Variants in PRDM15 observed in about 807,000 individuals in gnomAD.
PRDM15 encodes the protein PR/SET domain 15.
PRDM15 carries 64 observed loss-of-function variants against 128.6 expected under a neutral mutation model. That is an observed-to-expected ratio of 0.50 (90% CI 0.41 to 0.61). The LOEUF (loss-of-function observed/expected upper bound fraction) is 0.61. Ranked by LOEUF, PRDM15 falls within the 20% of genes least tolerant of loss-of-function variation. PRDM15 has a pLI of 0.00. For synonymous variants in PRDM15, 615 were observed against 621.8 expected (o/e 0.99, Z 0.16); for missense variants, 1,242 against 1,569.1 (o/e 0.79, Z 3.52).
rs1453145885 is a variant in PRDM15 at position 41,821,194 on chromosome 21, T to C, written c.1933A>G (p.Ile645Val). 4 of 1,614,196 alleles carry C rather than the reference T, an allele frequency of 2.5e-6. No individual in the cohort carries two copies. Among genetic ancestry groups the C allele is most frequent in the East Asian group, 2.2e-5 (1 of 44,884 alleles). The change falls in exon 16 of 24, where the codon ATC becomes GTC. Residue 645 changes from isoleucine to valine, a missense_variant. Physicochemically the swap from Ile to Val is conservative, Grantham distance 29. Around this residue, in one of 3 missense-constraint regions of PRDM15, gnomAD observed 602 missense variants for 788.3 expected, o/e 0.76. Transcript: ENST00000398548. The surrounding 1 kb of genome is among the most constrained non-coding windows in gnomAD (Gnocchi z 5.4). Reference sequence around the variant, plus strand: ...CCCTTCTCCTTGTGCACCTCCATGATGTGCTTCAGGTACTCCTTCCCCCGG... The same window carrying C: ...CCCTTCTCCTTGTGCACCTCCATGACGTGCTTCAGGTACTCCTTCCCCCGG... ...FGRGKEYLKH[I>V]MEVHKEKGYG...
chr21:41,866,100 T>C (rs2839396), intron 1 of PRDM15, among the ~76,000 whole-genome samples: 67,593 of 151,994 alleles, frequency 0.44, 15,407 homozygotes, highest in African/African-American at 0.55. Context: ...CACTCACTCC[T>C]TTTGTTCAAT....
At chr21:41,861,319 T>G (rs1360708761) in intron 1 of PRDM15, among the ~76,000 whole-genome samples, 1 of 152,148 alleles carries the variant, frequency 6.6e-6, no homozygotes, top group African/African-American at 2.4e-5. Context: ...ATCCTTGAGG[T>G]TCACCTCCAG....
rs538644091 is a variant in PRDM15, at chr21:41,821,977, A to T, written c.1822T>A (p.Ser608Thr). 1 of 1,614,080 alleles carries T rather than the reference A, an allele frequency of 6.2e-7. No homozygotes were observed. Among genetic ancestry groups the T allele is most frequent in the South Asian group, 1.1e-5 (1 of 91,088 alleles). The change falls in exon 15 of 24, where the codon TCG (serine) becomes ACG (threonine). Residue 608 changes from serine to threonine, a missense_variant. Ser to Thr is a moderately conservative substitution (Grantham distance 58, BLOSUM62 1). Around this residue, in one of 3 missense-constraint regions of PRDM15, gnomAD observed 602 missense variants for 788.3 expected, o/e 0.76. Coordinates refer to ENST00000398548, the MANE Select transcript of PRDM15 (RefSeq NM_001040424.3). The surrounding 1 kb of genome is among the most constrained non-coding windows in gnomAD (Gnocchi z 5.4). The stretch of plus-strand genomic sequence containing the variant: ...TCAGAATTGTCATCGTTTTCTTCCG[A>T]GGAGATCCCGATCTTGCCGATAAAC... The part of the protein sequence containing the change: ...EEFIGKIGIS[S>T]EENDDNSDES...
At chr21:41,823,867 T>A (rs2062373955) in intron 13 of PRDM15, among the ~76,000 whole-genome samples, 1 of 152,364 alleles carries the variant, frequency 6.6e-6, no homozygotes, top group Middle Eastern at 3.4e-3. Flanking sequence ...TTAATGCACA[T>A]TCCCAATGTC....
intron 21 of PRDM15, among the ~76,000 whole-genome samples, chr21:41,806,706 TACC>T (rs1161516703): frequency 2.6e-4 from 10 of 38,560 alleles, no homozygotes; most frequent in African/African-American, 4.9e-4. Flanking sequence ...CACCCATCAC[TACC>T]ACCAACATCA....
In PRDM15 at chr21:41,801,179, C is replaced by A; in HGVS notation, c.*61G>T. ...TTGTTTGTTTGGTATCCAGCAAACA[C>A]ATCTAAACAAATCCCAAACATCCCT... On this transcript the variant is annotated 3_prime_UTR_variant, in exon 24 of 24. Transcript: ENST00000398548. 1 of 1,497,104 alleles carries A rather than the reference C, an allele frequency of 6.7e-7. No individual in the cohort carries two copies. Among genetic ancestry groups the A allele is most frequent in the Non-Finnish European group, 8.8e-7 (1 of 1,130,432 alleles). 92.7% of individuals were successfully genotyped at this position (1,497,104 alleles called of 1,614,324 possible). A position where few individuals can be genotyped will look rare whatever the true frequency, so the allele number is the denominator to read the frequency against.
intron 19 of PRDM15, chr21:41,813,240 C>T (rs796672097): frequency 4.2e-4 from 64 of 152,434 alleles, no homozygotes; most frequent in African/African-American, 1.4e-3. Flanking sequence ...GAGGCCACCA[C>T]AGCCCAGCGA....
At chr21:41,847,390 T>A (rs1275152726) in intron 5 of PRDM15, among the ~76,000 whole-genome samples, 199 bp from the exon 6 acceptor site, 1 of 152,148 alleles carries the variant, frequency 6.6e-6, no homozygotes, top group East Asian at 1.9e-4. Context: ...GTCGTGTGAC[T>A]GTCCCCTTTT....
Position 41,862,156 on chromosome 21 carries a change from C to A in PRDM15, c.-9-1784G>T. On this transcript the variant is annotated intron_variant, in intron 1 of 23. Transcript: ENST00000398548. The surrounding 1 kb of genome is among the most constrained non-coding windows in gnomAD (Gnocchi z 4.1). ...GCTTTCATGAGTTGCTGCTGTGCTA[C>A]TGGAGGTGTAGGACCTGCGTGCCCC... 1 of 660,450 alleles carries A rather than the reference C, an allele frequency of 1.5e-6. No homozygotes were observed. The highest frequency in any genetic ancestry group is 2.2e-5 in the Admixed American group (1 of 45,336). The allele number at this position is 660,450 out of a possible 1,614,324, so 40.9% of individuals were successfully genotyped here.
Position 41,801,239 on chromosome 21 carries a change from C to A in PRDM15, c.*1G>T. ...TTGCCCCGAGTCTCCCGGAACGCAG[C>A]TCAGTAGCTGTACATCTGCTGCTGC... On this transcript the variant is annotated 3_prime_UTR_variant, in exon 24 of 24. Coordinates refer to ENST00000398548, the MANE Select transcript of PRDM15 (RefSeq NM_001040424.3). The A allele has an allele frequency of 6.6e-7, 1 of 1,519,528 alleles. No homozygotes were observed. The highest frequency in any genetic ancestry group is 8.8e-7 in the Non-Finnish European group (1 of 1,137,004). The allele number at this position is 1,519,528 out of a possible 1,614,324, so 94.1% of individuals were successfully genotyped here. A position where few individuals can be genotyped will look rare whatever the true frequency, so the allele number is the denominator to read the frequency against.
chr21:41,859,201 G>A lies in PRDM15; in HGVS notation c.131+391C>T, dbSNP rs772019628. 9 of 1,613,956 alleles carry A rather than the reference G, an allele frequency of 5.6e-6. No individual in the cohort carries two copies. Among genetic ancestry groups the A allele is most frequent in the South Asian group, 2.2e-5 (2 of 91,066 alleles). On this transcript the variant is annotated intron_variant, in intron 3 of 23. Coordinates refer to ENST00000398548, the MANE Select transcript of PRDM15 (RefSeq NM_001040424.3). The surrounding 1 kb of genome is among the most constrained non-coding windows in gnomAD (Gnocchi z 5.3). ...CCCGCATCCCCTGCCCCGCCTGGGT[G>A]TGCACGTGTCCGCTGGCAGGCCAAG...
Position 41,800,468 on chromosome 21 carries a change from C to T in PRDM15, c.*772G>A, listed in dbSNP as rs2061389713. 2 of 150,768 alleles carry T rather than the reference C, an allele frequency of 1.3e-5. No individual in the cohort carries two copies. Among genetic ancestry groups the T allele is most frequent in the Non-Finnish European group, 3.0e-5 (2 of 67,658 alleles). The allele number at this position is 150,768 out of a possible 1,614,324, so 9.3% of individuals were successfully genotyped here. On this transcript the variant is annotated 3_prime_UTR_variant, in exon 24 of 24. Transcript: ENST00000398548. The stretch of plus-strand genomic sequence containing the variant: ...AACTAAAACACAATATTGGCCATAA[C>T]AGTCTTGAACACATAATGTATGTTT...
Position 41,799,000 on chromosome 21 carries a change from A to AGAGGTGT in PRDM15, c.*2233_*2239dup, listed in dbSNP as rs545282180. ...GAGTTCTCACTTATAACAAGAAGTA[A>AGAGGTGT]GAGGTGTCTGTGTATTGAGATAAAC... On this transcript the variant is annotated 3_prime_UTR_variant, in exon 24 of 24. Coordinates refer to ENST00000398548, the MANE Select transcript of PRDM15 (RefSeq NM_001040424.3). 1.7e-3 allele frequency: 256 copies of AGAGGTGT among 152,370 alleles called. 1 individual carries two copies. Among genetic ancestry groups the AGAGGTGT allele is most frequent in the African/African-American group, 5.7e-3 (236 of 41,582 alleles). 9.4% of individuals were successfully genotyped at this position (152,370 alleles called of 1,614,324 possible). A position where few individuals can be genotyped will look rare whatever the true frequency, so the allele number is the denominator to read the frequency against.
rs199991942 is a variant in PRDM15 at position 41,861,708 on chromosome 21, G to A, written c.-9-1336C>T. The A allele has an allele frequency of 1.1e-5, 18 of 1,614,172 alleles. No homozygotes were observed. Among genetic ancestry groups the A allele is most frequent in the Admixed American group, 5.0e-5 (3 of 60,016 alleles). On this transcript the variant is annotated intron_variant, in intron 1 of 23. Coordinates refer to ENST00000398548, the MANE Select transcript of PRDM15 (RefSeq NM_001040424.3). Reference sequence around the variant, plus strand: ...CAGCTTGAAGGGTGAAAAGCAGACCGTGCAAAACTCATATGGAAACTCACA... The same window carrying A: ...CAGCTTGAAGGGTGAAAAGCAGACCATGCAAAACTCATATGGAAACTCACA...
At position 41,859,159 on chromosome 21, in the gene PRDM15, G is replaced by A. The variant is rs962382913; in HGVS notation, c.131+433C>T. On this transcript the variant is annotated intron_variant, in intron 3 of 23. Coordinates refer to ENST00000398548, the MANE Select transcript of PRDM15 (RefSeq NM_001040424.3). This position sits in a 1 kb window ranked among gnomAD's most constrained non-coding sequence, Gnocchi z 5.3. ...CTGGAAGCTGCTGTGGGTCAGCCCT[G>A]TCCCTGTCCTCATAACCCCGCATCC... 3 of 1,613,770 alleles carry A rather than the reference G, an allele frequency of 1.9e-6. No homozygotes were observed. Among genetic ancestry groups the A allele is most frequent in the Admixed American group, 3.3e-5 (2 of 59,992 alleles).
rs1275516953 is a variant in PRDM15 at position 41,859,276 on chromosome 21, G to A, written c.131+316C>T. ...CGAGCAGACCTCCAGCTTGGCTGCT[G>A]GTGCTCAGCACGTCAACCACCTTGG... is the stretch of plus-strand genomic sequence containing the variant. On this transcript the variant is annotated intron_variant, in intron 3 of 23. Transcript: ENST00000398548. The surrounding 1 kb of genome is among the most constrained non-coding windows in gnomAD (Gnocchi z 5.3). The A allele has an allele frequency of 7.7e-6, 12 of 1,568,102 alleles. No individual in the cohort carries two copies. Among genetic ancestry groups the A allele is most frequent in the Non-Finnish European group, 1.0e-5 (12 of 1,142,980 alleles).
rs1475501594 is a variant in PRDM15, at chr21:41,828,789, C to T, written c.1367-456G>A. On this transcript the variant is annotated intron_variant, in intron 11 of 23. Transcript: ENST00000398548. This position sits in a 1 kb window ranked among gnomAD's most constrained non-coding sequence, Gnocchi z 5.7. ...CCCGACCAATGTGGCCGCCCCTGCC[C>T]CCAGGATCCCTGGTGTTGGCCCCTC... 6.6e-6 allele frequency among the ~76,000 whole-genome samples: 1 copy of T among 152,038 alleles called. No homozygotes were observed. Among genetic ancestry groups the T allele is most frequent in the African/African-American group, 2.4e-5 (1 of 41,370 alleles).
intron 1 of PRDM15, among the ~76,000 whole-genome samples, chr21:41,875,392 G>A (rs2064376429): frequency 6.6e-6 from 1 of 152,232 alleles, no homozygotes; most frequent in African/African-American, 2.4e-5. Context: ...TTTGAGTTTT[G>A]CCAGTATCCC....
At chr21:41,860,753 A>G (rs949665792) in intron 1 of PRDM15, among the ~76,000 whole-genome samples, 3 of 152,086 alleles carry the variant, frequency 2.0e-5, no homozygotes, top group Non-Finnish European at 2.9e-5. Context: ...GACAATTCCT[A>G]CTAAAGGCCT....
Sources: allele counts gnomAD v4.1 joint callset (sites outside exome capture counted in the v4.1 genomes callset), GRCh38; gene constraint gnomAD v4.1.1; regional missense constraint gnomAD v4.1.1; non-coding constraint Gnocchi (gnomAD v3.1); transcripts MANE v1.5; gene names NCBI Gene and HGNC (gene_info 2026-07-23, HGNC 2026-07-21).